Variants in PIP5K1B observed in about 807,000 individuals in gnomAD.
PIP5K1B encodes the protein phosphatidylinositol 4-phosphate 5-kinase type-1 beta.
A neutral mutation model predicts 67.0 loss-of-function variants in PIP5K1B; 42 were observed. That is an observed-to-expected ratio of 0.63 (90% CI 0.49 to 0.81). The LOEUF (loss-of-function observed/expected upper bound fraction) is 0.81, where lower values mean the gene tolerates loss of function less well. Among genes scored for constraint, PIP5K1B ranks in the 30% least tolerant of loss-of-function variants. The probability of loss-of-function intolerance (pLI) is 0.00; values close to 1 mark genes in which losing one functional copy is unlikely to be tolerated. For missense variants in PIP5K1B, 459 were observed against 646.3 expected, an observed-to-expected ratio of 0.71 and a Z score of 3.14; for synonymous variants, 214 against 231.4, an observed-to-expected ratio of 0.92 and a Z score of 0.68.
chr9:68,905,508 T>C (rs1825568186), intron 8 of PIP5K1B, among the ~76,000 whole-genome samples: 1 of 152,164 alleles, frequency 6.6e-6, no homozygotes, highest in Non-Finnish European at 1.5e-5. Context: ...GAGGAACTTC[T>C]GGAAGCTAGT....
At chr9:68,736,464 A>G (rs534814128) in intron 1 of PIP5K1B, among the ~76,000 whole-genome samples, 1 of 152,280 alleles carries the variant, frequency 6.6e-6, no homozygotes, top group African/African-American at 2.4e-5. Flanking sequence ...TTAGTCTCCT[A>G]CTGCTGCTGT....
intron 4 of PIP5K1B, among the ~76,000 whole-genome samples, chr9:68,839,038 T>G (rs1291361675): frequency 6.6e-6 from 1 of 152,220 alleles, no homozygotes; most frequent in African/African-American, 2.4e-5. Context: ...CAGAGTAATG[T>G]GTGGAAATTA....
At chr9:68,909,698 TGG>T (rs1247464568) in intron 8 of PIP5K1B, among the ~76,000 whole-genome samples, 1 of 152,222 alleles carries the variant, frequency 6.6e-6, no homozygotes, top group African/African-American at 2.4e-5. Context: ...TTTCTGTAAA[TGG>T]ATTGTAGGAT....
intron 1 of PIP5K1B, among the ~76,000 whole-genome samples, chr9:68,739,199 A>G (rs755918974): frequency 2.6e-5 from 4 of 152,190 alleles, no homozygotes; most frequent in Admixed American, 6.5e-5. Context: ...TCACATTATC[A>G]TTTGTAAAGG....
chr9:68,779,520 T>C (rs1183734371), intron 2 of PIP5K1B, among the ~76,000 whole-genome samples: 2 of 152,206 alleles, frequency 1.3e-5, no homozygotes, highest in Admixed American at 1.3e-4. Flanking sequence ...CACCCATGCT[T>C]GAAAACCCTT....
intron 1 of PIP5K1B, among the ~76,000 whole-genome samples, chr9:68,721,477 A>T (rs1827879244): frequency 6.6e-6 from 1 of 152,180 alleles, no homozygotes; most frequent in Admixed American, 6.5e-5. Context: ...TTGGGGAATG[A>T]TGCTCAACTG....
chr9:68,733,931 C>T (rs1479485866), intron 1 of PIP5K1B, among the ~76,000 whole-genome samples: 1 of 152,024 alleles, frequency 6.6e-6, no homozygotes, highest in African/African-American at 2.4e-5. Flanking sequence ...AGCCACTGTG[C>T]CCGGCAATAC....
intron 2 of PIP5K1B, among the ~76,000 whole-genome samples, chr9:68,797,850 C>T (rs1402779977): frequency 7.1e-6 from 1 of 141,536 alleles, no homozygotes; most frequent in African/African-American, 2.8e-5. Flanking sequence ...TTTGTTTTAG[C>T]ATTGGAAAAG....
In PIP5K1B at chr9:68,814,539, G is replaced by A. The variant is rs190250354; in HGVS notation, c.-85-3922G>A. 2.8e-3 allele frequency among the ~76,000 whole-genome samples: 431 copies of A among 152,206 alleles called. 2 individuals carry two copies. The highest frequency in any genetic ancestry group is 7.3e-3 in the Admixed American group (112 of 15,294). ...GATATAATTATTTCATAATTTGGCC[G>A]GGCACGGTGGCCATGCCTGTAATCC... On this transcript the variant is annotated intron_variant, in intron 2 of 15. Coordinates refer to ENST00000265382, the MANE Select transcript of PIP5K1B (RefSeq NM_003558.4).
chr9:69,001,515 C>T (rs1002621326), intron 15 of PIP5K1B, among the ~76,000 whole-genome samples: 2 of 152,146 alleles, frequency 1.3e-5, no homozygotes, highest in Non-Finnish European at 1.5e-5. Flanking sequence ...TTAATTAACT[C>T]ATAGTTCCAC....
At chr9:68,916,971 A>T (rs143748211) in intron 8 of PIP5K1B, among the ~76,000 whole-genome samples, 26 of 152,334 alleles carry the variant, frequency 1.7e-4, no homozygotes, top group African/African-American at 5.0e-4. Flanking sequence ...ATTCAGCTAG[A>T]AAAGATACAT....
chr9:68,713,140 T>G (rs1187667643), intron 1 of PIP5K1B, among the ~76,000 whole-genome samples: 1 of 152,190 alleles, frequency 6.6e-6, no homozygotes, highest in Non-Finnish European at 1.5e-5. Flanking sequence ...GGCTCACAAC[T>G]ATAATCCCAG....
Position 68,884,320 on chromosome 9 carries a change from T to C in PIP5K1B, c.319-4661T>C, listed in dbSNP as rs140033780. Among the ~76,000 whole-genome samples, 40 of 150,574 alleles carry C rather than the reference T, an allele frequency of 2.7e-4. No individual in the cohort carries two copies. The East Asian group carries it at 6.8e-3, about 26-fold the overall frequency. ...AATAACAAGAAAACTAATAACCCTA[T>C]TTAAAAATGAGCAAAGGACCTAACT... On this transcript the variant is annotated intron_variant, in intron 6 of 15. Transcript: ENST00000265382.
intron 14 of PIP5K1B, among the ~76,000 whole-genome samples, chr9:68,942,636 G>A (rs1024455532): frequency 6.6e-6 from 1 of 152,140 alleles, no homozygotes; most frequent in African/African-American, 2.4e-5. Context: ...TGCTCCCAGA[G>A]CTGTGCTGTC....
intron 5 of PIP5K1B, among the ~76,000 whole-genome samples, chr9:68,866,103 AG>A (rs973076904): frequency 6.6e-6 from 1 of 152,056 alleles, no homozygotes; most frequent in African/African-American, 2.4e-5. Flanking sequence ...CCTTATTTAG[AG>A]GCATCCATTG....
chr9:68,887,172 A>AT (rs965263906), intron 6 of PIP5K1B, among the ~76,000 whole-genome samples: 2 of 151,510 alleles, frequency 1.3e-5, no homozygotes, highest in African/African-American at 4.9e-5. Context: ...TCCATGATCC[A>AT]TTTTTTTCTC....
intron 2 of PIP5K1B, among the ~76,000 whole-genome samples, chr9:68,762,805 G>T (rs930914479): frequency 6.6e-6 from 1 of 152,094 alleles, no homozygotes; most frequent in African/African-American, 2.4e-5. Context: ...GTTTATGAGT[G>T]TATGGGATGT....
chr9:69,003,586 C>G (rs1294926403), intron 15 of PIP5K1B, among the ~76,000 whole-genome samples: 1 of 152,148 alleles, frequency 6.6e-6, no homozygotes, highest in African/African-American at 2.4e-5. Context: ...GAAGTTCCGC[C>G]TCTCTCAGCA....
chr9:68,981,917 G>A (rs1159894842), intron 14 of PIP5K1B, among the ~76,000 whole-genome samples: 3 of 152,150 alleles, frequency 2.0e-5, no homozygotes, highest in African/African-American at 7.2e-5. Flanking sequence ...TCACCTGTGA[G>A]AAGTTTATGA....
Sources: gnomAD v4.1 joint callset for allele counts (sites outside exome capture counted in the v4.1 genomes callset) on GRCh38, gnomAD v4.1.1 for gene constraint, MANE v1.5 for transcripts, NCBI Gene and HGNC (gene_info 2026-07-23, HGNC 2026-07-21) for gene names.